Variants in SPHKAP observed in about 807,000 individuals in gnomAD.
SPHKAP encodes the protein SPHK1 interactor, AKAP domain containing.
In SPHKAP, 67 loss-of-function variants were observed where a neutral mutation model predicts 137.5. The ratio of observed to expected loss-of-function variants is 0.49; its 90% CI spans 0.40 to 0.60. The LOEUF is 0.60. Ranked by LOEUF, SPHKAP falls within the 20% of genes least tolerant of loss-of-function variation. SPHKAP has a pLI of 0.00. For missense variants in SPHKAP, 2,097 were observed against 2,069.3 expected, an observed-to-expected ratio of 1.01 and a Z score of -0.26; for synonymous variants, 813 against 785.3, an observed-to-expected ratio of 1.04 and a Z score of -0.59.
At chr2:228,022,092 G>A in intron 5 of SPHKAP, 126 bp from the exon 6 acceptor site, 2 of 1,335,674 alleles carry the variant, frequency 1.5e-6, no homozygotes, top group Non-Finnish European at 1.9e-6. Context: ...TATTTGAAAT[G>A]TCTTCTGGAA....
intron 7 of SPHKAP, among the ~76,000 whole-genome samples, chr2:228,010,011 C>T (rs145244029): frequency 6.6e-6 from 1 of 152,254 alleles, no homozygotes; most frequent in African/African-American, 2.4e-5. Context: ...GCAGATTCCT[C>T]TTCTTTCTCT....
chr2:227,999,569 T>C (rs1305393692), intron 7 of SPHKAP, among the ~76,000 whole-genome samples: 5 of 152,228 alleles, frequency 3.3e-5, no homozygotes, highest in Admixed American at 2.6e-4. Context: ...TTCCAGGCTA[T>C]TTCTTACTAA....
At position 228,050,602 on chromosome 2, in the gene SPHKAP, T is replaced by C. The variant is rs6724924; in HGVS notation, c.247-23059A>G. 3.1e-3 allele frequency among the ~76,000 whole-genome samples: 471 copies of C among 152,330 alleles called. 8 individuals carry two copies. Among genetic ancestry groups the C allele is most frequent in the African/African-American group, 0.01 (421 of 41,584 alleles). ...ATTAAATCAAAGTAACTGAAATATC[T>C]ATCACCTTCAATATTTATATTTTGT... On this transcript the variant is annotated intron_variant, in intron 3 of 11. Transcript: ENST00000392056.
In SPHKAP at chr2:228,019,634, A is replaced by G. The variant is rs769212057; in HGVS notation, c.1220T>C (p.Leu407Ser). The change falls in exon 7 of 12, where the codon TTA (leucine) becomes TCA (serine). Residue 407 changes from leucine to serine, a missense_variant. By Grantham distance (145) the Leu-to-Ser change is moderately radical (BLOSUM62 -2). Transcript: ENST00000392056. Reference sequence around the variant, plus strand: ...GGGTAATGTGGACTGAGATTGAGATAATCTAATAAATGCATCCTGCAGCAC... The same window carrying G: ...GGGTAATGTGGACTGAGATTGAGATGATCTAATAAATGCATCCTGCAGCAC... ...ESVLQDAFIR[L>S]SQSQSTLPQE... 2.5e-6 allele frequency: 4 copies of G among 1,614,012 alleles called. No individual in the cohort carries two copies. Among genetic ancestry groups the G allele is most frequent in the African/African-American group, 2.7e-5 (2 of 74,952 alleles).
chr2:228,110,725 A>C (rs1397992875), intron 2 of SPHKAP, among the ~76,000 whole-genome samples: 1 of 152,242 alleles, frequency 6.6e-6, no homozygotes, highest in Non-Finnish European at 1.5e-5. Flanking sequence ...ATGCAGAGGC[A>C]GCTAGGACAG....
At position 227,981,035 on chromosome 2, in the gene SPHKAP, TTCC is replaced by T. The variant is rs1048265292; in HGVS notation, c.*679_*681del. The T allele has an allele frequency of 6.9e-5, 8 of 116,406 alleles. No individual in the cohort carries two copies. The highest frequency in any genetic ancestry group is 2.4e-4 in the African/African-American group (8 of 34,032). The allele number at this position is 116,406 out of a possible 1,614,324, so 7.2% of individuals were successfully genotyped here. On this transcript the variant is annotated 3_prime_UTR_variant, in exon 12 of 12. Coordinates refer to ENST00000392056, the MANE Select transcript of SPHKAP (RefSeq NM_001142644.2). The stretch of plus-strand genomic sequence containing the variant: ...GATGGAAACAAGACAATCTTTTATC[TTCC>T]TCTTCTTCAGTTGAATGACAATAGT...
chr2:228,163,462 A>G (rs1311350005), intron 1 of SPHKAP, among the ~76,000 whole-genome samples: 1 of 152,192 alleles, frequency 6.6e-6, no homozygotes, highest in Non-Finnish European at 1.5e-5. Flanking sequence ...TAAGGTACTA[A>G]GTGACCCACT....
intron 1 of SPHKAP, among the ~76,000 whole-genome samples, chr2:228,134,835 C>T (rs1699382457): frequency 6.6e-6 from 1 of 152,124 alleles, no homozygotes; most frequent in Non-Finnish European, 1.5e-5. Flanking sequence ...TTCATGCAGG[C>T]CATCCCTGGA....
chr2:228,153,090 A>G (rs1220574379), intron 1 of SPHKAP, among the ~76,000 whole-genome samples: 1 of 152,058 alleles, frequency 6.6e-6, no homozygotes, highest in African/African-American at 2.4e-5. Context: ...CTCTTCCACC[A>G]TGATTGTGAG....
At chr2:228,002,123 T>G (rs1269019565) in intron 7 of SPHKAP, among the ~76,000 whole-genome samples, 14 of 152,160 alleles carry the variant, frequency 9.2e-5, no homozygotes, top group Non-Finnish European at 1.2e-4. Context: ...TTTCTAGTTC[T>G]AGATCCCTGA....
In SPHKAP at chr2:228,020,001, G is replaced by A. The variant is rs974637140; in HGVS notation, c.853C>T (p.Arg285Ter). 5.6e-6 allele frequency: 9 copies of A among 1,614,166 alleles called. No homozygotes were observed. Among genetic ancestry groups the A allele is most frequent in the African/African-American group, 1.3e-5 (1 of 75,026 alleles). ...TTCTTTGTTAGGTTTTCTGGAGATC[G>A]TTCTGTTTTAATCAATGGTGTGGGA... ...KYPTPLIKTE[R>*]SPENLTKNTA... The change falls in exon 7 of 12, where the codon CGA (arginine) becomes TGA (stop). Residue 285 changes from arginine (R) to a stop codon, truncating the protein, a stop_gained. Coordinates refer to ENST00000392056, the MANE Select transcript of SPHKAP (RefSeq NM_001142644.2). LOFTEE classifies it high-confidence loss of function.
chr2:228,084,275 A>C lies in SPHKAP; in HGVS notation c.246+24557T>G, dbSNP rs558089772. Among the ~76,000 whole-genome samples the C allele has an allele frequency of 2.2e-4, 34 of 152,288 alleles. 2 individuals carry two copies. The highest frequency in any genetic ancestry group is 7.7e-4 in the African/African-American group (32 of 41,558). ...TAATGGCCTCTTGACATTAATAATT[A>C]GTATTAAAAAGTTATATTCCAAATA... On this transcript the variant is annotated intron_variant, in intron 3 of 11. Transcript: ENST00000392056.
intron 3 of SPHKAP, among the ~76,000 whole-genome samples, chr2:228,086,846 C>A (rs1006537599): frequency 6.6e-6 from 1 of 152,118 alleles, no homozygotes; most frequent in Non-Finnish European, 1.5e-5. Flanking sequence ...TTAAGAGCAG[C>A]AAATTAAGCC....
intron 2 of SPHKAP, among the ~76,000 whole-genome samples, chr2:228,114,419 G>T (rs1698640445): frequency 6.6e-6 from 1 of 152,126 alleles, no homozygotes; most frequent in Admixed American, 6.6e-5. Flanking sequence ...AATTGGAGAA[G>T]ACAGTGACTG....
intron 1 of SPHKAP, among the ~76,000 whole-genome samples, chr2:228,148,228 G>A (rs1486204141): frequency 6.6e-6 from 1 of 152,156 alleles, no homozygotes; most frequent in Non-Finnish European, 1.5e-5. Flanking sequence ...TGAGAGAAGA[G>A]GGGTACTTGG....
chr2:228,056,775 A>G (rs149875725), intron 3 of SPHKAP, among the ~76,000 whole-genome samples: 60 of 152,056 alleles, frequency 3.9e-4, no homozygotes, highest in African/African-American at 1.4e-3. Flanking sequence ...TTACTTTTAT[A>G]CTCTTTGCAG....
chr2:228,049,257 A>T (rs1390815459), intron 3 of SPHKAP, among the ~76,000 whole-genome samples: 2 of 152,250 alleles, frequency 1.3e-5, no homozygotes, highest in African/African-American at 4.8e-5. Context: ...ATGTTTAAAC[A>T]TAATTACCTT....
At position 228,172,571 on chromosome 2, in the gene SPHKAP, C is replaced by T. The variant is rs1377565033; in HGVS notation, c.32+8996G>A. ...AAATCTTCACAAGCCAATGCAAAGCCTATCTGATCACCCACCATTTCAACC... is the reference window on the plus strand; with the variant it reads ...AAATCTTCACAAGCCAATGCAAAGCTTATCTGATCACCCACCATTTCAACC... On this transcript the variant is annotated intron_variant, in intron 1 of 11. Transcript: ENST00000392056. Among the ~76,000 whole-genome samples, 17 of 152,318 alleles carry T rather than the reference C, an allele frequency of 1.1e-4. No homozygotes were observed. The East Asian group carries it at 3.3e-3, about 29-fold the overall frequency.
At chr2:228,028,064 A>T in intron 3 of SPHKAP, 1 of 985,410 alleles carries the variant, frequency 1.0e-6, no homozygotes, top group Non-Finnish European at 1.2e-6. Flanking sequence ...TGGTCACAAC[A>T]AATGCCCGCT....
Sources: gnomAD v4.1 joint callset for allele counts (sites outside exome capture counted in the v4.1 genomes callset) on GRCh38, gnomAD v4.1.1 for gene constraint, MANE v1.5 for transcripts, NCBI Gene and HGNC (gene_info 2026-07-23, HGNC 2026-07-21) for gene names.